The following ROBO1 variants were observed in gnomAD, a reference collection of about 807,000 sequenced individuals.
The protein encoded by ROBO1 is roundabout guidance receptor 1.
ROBO1 carries 149 observed loss-of-function variants against 195.9 expected under a neutral mutation model. The ratio of observed to expected loss-of-function variants is 0.76; its 90% confidence interval spans 0.67 to 0.87. The LOEUF (loss-of-function observed/expected upper bound fraction) is 0.87, where lower values mean the gene tolerates loss of function less well. Ranked by LOEUF, ROBO1 falls within the 40% of genes least tolerant of loss-of-function variation. The probability of loss-of-function intolerance (pLI) is 0.00; values close to 1 mark genes in which losing one functional copy is unlikely to be tolerated. For missense variants in ROBO1, 1,933 were observed against 2,068.3 expected, an observed-to-expected ratio of 0.93 and a Z score of 1.27; for synonymous variants, 816 against 733.2, an observed-to-expected ratio of 1.11 and a Z score of -1.82.
chr3:78,910,317 G>A (rs2038169204), intron 4 of ROBO1, among the ~76,000 whole-genome samples: 1 of 151,818 alleles, frequency 6.6e-6, no homozygotes, highest in Non-Finnish European at 1.5e-5. Flanking sequence ...CGTCCAGAAA[G>A]TTTTGTGTTT....
intron 4 of ROBO1, among the ~76,000 whole-genome samples, chr3:78,810,361 A>G (rs149758917): frequency 0.012 from 1,831 of 152,272 alleles, 35 homozygotes; most frequent in African/African-American, 0.042. Context: ...TTCCTTTGGA[A>G]TAGATACTGC....
At chr3:79,040,382 T>C (rs1452500172) in intron 3 of ROBO1, among the ~76,000 whole-genome samples, 1 of 152,148 alleles carries the variant, frequency 6.6e-6, no homozygotes, top group Admixed American at 6.5e-5. Flanking sequence ...TTCTAAATCA[T>C]CATTGAATTA....
intron 2 of ROBO1, among the ~76,000 whole-genome samples, chr3:79,493,078 C>T (rs1416618002): frequency 1.3e-5 from 2 of 151,882 alleles, no homozygotes; most frequent in African/African-American, 2.4e-5. Context: ...CAAAATACAT[C>T]AGGCTTTATT....
intron 2 of ROBO1, among the ~76,000 whole-genome samples, chr3:79,554,878 A>G (rs73849611): frequency 0.014 from 2,202 of 152,096 alleles, 44 homozygotes; most frequent in African/African-American, 0.049. Flanking sequence ...GAGAAGTAAC[A>G]CAGAATAAAG....
At chr3:79,707,894 A>G (rs977474666) in intron 1 of ROBO1, among the ~76,000 whole-genome samples, 1 of 152,330 alleles carries the variant, frequency 6.6e-6, no homozygotes, top group South Asian at 2.1e-4. Flanking sequence ...TTTGGAAAAA[A>G]TATAAATAAC....
At chr3:79,352,304 CT>C (rs1431498111) in intron 2 of ROBO1, among the ~76,000 whole-genome samples, 2 of 152,038 alleles carry the variant, frequency 1.3e-5, no homozygotes, top group Admixed American at 6.6e-5. Flanking sequence ...TTCTTTTTAA[CT>C]TTCTATTTGA....
chr3:79,498,040 C>A (rs976590612), intron 2 of ROBO1, among the ~76,000 whole-genome samples: 2 of 152,082 alleles, frequency 1.3e-5, no homozygotes, highest in Non-Finnish European at 2.9e-5. Flanking sequence ...ATGAAACTAT[C>A]ATCGAATCTC....
At chr3:79,681,661 A>C (rs972064039) in intron 1 of ROBO1, among the ~76,000 whole-genome samples, 3 of 151,932 alleles carry the variant, frequency 2.0e-5, no homozygotes, top group Admixed American at 1.3e-4. Flanking sequence ...AGGAAAATGC[A>C]TGTTTAGATA....
chr3:78,615,544 GTTCTC>G (rs1422656554), intron 27 of ROBO1, among the ~76,000 whole-genome samples: 5 of 152,100 alleles, frequency 3.3e-5, no homozygotes, highest in South Asian at 2.1e-4. Flanking sequence ...AAGCTCCCAC[GTTCTC>G]TGGTGCCTTA....
intron 2 of ROBO1, among the ~76,000 whole-genome samples, chr3:79,542,894 A>G (rs1049369041): frequency 2.0e-5 from 3 of 152,100 alleles, no homozygotes; most frequent in Non-Finnish European, 2.9e-5. Context: ...CCTTTAATAT[A>G]GCAATTCATT....
intron 2 of ROBO1, among the ~76,000 whole-genome samples, chr3:79,402,530 C>T (rs931245933): frequency 2.6e-5 from 4 of 151,832 alleles, no homozygotes; most frequent in African/African-American, 7.2e-5. Flanking sequence ...ATAAGTACCC[C>T]AAACAAAGTC....
chr3:79,484,495 ATATAT>A (rs1939042026), intron 2 of ROBO1, among the ~76,000 whole-genome samples: 1 of 151,650 alleles, frequency 6.6e-6, no homozygotes. Flanking sequence ...TTTCAGGCAT[ATATAT>A]ATATGTGTGT....
chr3:78,811,200 T>A (rs2084727130), intron 4 of ROBO1, among the ~76,000 whole-genome samples: 1 of 152,218 alleles, frequency 6.6e-6, no homozygotes, highest in Non-Finnish European at 1.5e-5. Flanking sequence ...GTGAGTCTGC[T>A]GGCTAAAGTG....
At chr3:79,292,515 G>T (rs2032315676) in intron 2 of ROBO1, among the ~76,000 whole-genome samples, 2 of 152,128 alleles carry the variant, frequency 1.3e-5, no homozygotes, top group Admixed American at 1.3e-4. Flanking sequence ...CTGTGGGTTT[G>T]TTATAAATAG....
chr3:78,818,302 T>C (rs904369914), intron 4 of ROBO1, among the ~76,000 whole-genome samples: 1 of 152,114 alleles, frequency 6.6e-6, no homozygotes. Flanking sequence ...GTGAGGCCAG[T>C]GCTCTGCAGC....
rs1221480378 is a variant in ROBO1 at position 78,936,862 on chromosome 3, T to TA, written c.499+1738dup. Among the ~76,000 whole-genome samples, 5 of 151,868 alleles carry TA rather than the reference T, an allele frequency of 3.3e-5. 1 individual carries two copies. Among genetic ancestry groups the TA allele is most frequent in the Admixed American group, 1.3e-4 (2 of 15,230 alleles). On this transcript the variant is annotated intron_variant, in intron 4 of 30. Coordinates refer to ENST00000464233, the MANE Select transcript of ROBO1 (RefSeq NM_002941.4). Reference sequence around the variant, plus strand: ...CTACATTCAAATTGGCCTTAAAAAATAAAAAAAGCAAACTAGCCTTCTGTT... The same window carrying TA: ...CTACATTCAAATTGGCCTTAAAAAATAAAAAAAAGCAAACTAGCCTTCTGTT...
intron 4 of ROBO1, among the ~76,000 whole-genome samples, chr3:78,898,399 T>A (rs1449920125): frequency 1.4e-5 from 2 of 140,404 alleles, no homozygotes; most frequent in South Asian, 4.8e-4. Flanking sequence ...TTTTTTTTTT[T>A]TTTTTTGAGA....
chr3:79,173,323 C>T (rs1425826106), intron 2 of ROBO1, among the ~76,000 whole-genome samples: 1 of 152,080 alleles, frequency 6.6e-6, no homozygotes, highest in Non-Finnish European at 1.5e-5. Context: ...CCTCAGCTTG[C>T]GGGGAGGTGT....
chr3:78,652,469 GT>G (rs1438935907), intron 18 of ROBO1, among the ~76,000 whole-genome samples: 1 of 152,002 alleles, frequency 6.6e-6, no homozygotes. Context: ...GTGTGTGCAT[GT>G]GTGTGTGTAC....
Sources: allele counts gnomAD v4.1 joint callset (sites outside exome capture counted in the v4.1 genomes callset), GRCh38; gene constraint gnomAD v4.1.1; transcripts MANE v1.5; gene names NCBI Gene and HGNC (gene_info 2026-07-23, HGNC 2026-07-21).